Variants in PLAG1 observed in about 807,000 individuals in gnomAD.
PLAG1 encodes the protein PLAG1 zinc finger, also known as zinc finger protein PLAG1.
A neutral mutation model predicts 35.5 loss-of-function variants in PLAG1; 7 were observed. The observed-to-expected ratio is 0.20, with a 90% CI of 0.11 to 0.37. The LOEUF (loss-of-function observed/expected upper bound fraction) is 0.37, where lower values mean the gene tolerates loss of function less well. Ranked by LOEUF, PLAG1 falls within the 10% of genes least tolerant of loss-of-function variation. The probability of loss-of-function intolerance (pLI) is 1.00; values close to 1 mark genes in which losing one functional copy is unlikely to be tolerated. For synonymous variants in PLAG1, 229 were observed against 225.4 expected (o/e 1.02, Z -0.14); for missense variants, 454 against 602.8 (o/e 0.75, Z 2.58).
At chr8:56,193,353 T>C (rs1011986828) in intron 1 of PLAG1, among the ~76,000 whole-genome samples, 2 of 152,230 alleles carry the variant, frequency 1.3e-5, no homozygotes, top group African/African-American at 4.8e-5. Flanking sequence ...TAAAATATTC[T>C]ACAATAAAAA....
intron 1 of PLAG1, among the ~76,000 whole-genome samples, chr8:56,207,076 T>A (rs1021632353): frequency 6.6e-6 from 1 of 152,006 alleles, no homozygotes; most frequent in South Asian, 2.1e-4. Context: ...TTTTTTTTCC[T>A]TGGGGATGTG....
chr8:56,165,197 C>G lies in PLAG1; in HGVS notation c.*1046G>C, dbSNP rs569895037. On this transcript the variant is annotated 3_prime_UTR_variant, in exon 5 of 5. Transcript: ENST00000316981. The stretch of plus-strand genomic sequence containing the variant: ...ACCCTGGCTACAGGGGCCATGATCC[C>G]TACACAAGTTCCCAAATGTAACCAT... 6 of 213,774 alleles carry G rather than the reference C, an allele frequency of 2.8e-5. No homozygotes were observed. Among genetic ancestry groups the G allele is most frequent in the Non-Finnish European group, 4.7e-5 (5 of 105,622 alleles). 13.2% of individuals were successfully genotyped at this position (213,774 alleles called of 1,614,324 possible). A position where few individuals can be genotyped will look rare whatever the true frequency, so the allele number is the denominator to read the frequency against.
At position 56,164,514 on chromosome 8, in the gene PLAG1, G is replaced by T. The variant is rs1441112715; in HGVS notation, c.*1729C>A. ...GATAACTGGCCCTACAAAAAGGAAA[G>T]AAGTTTCCATATAGGGCTAATGAGT... On this transcript the variant is annotated 3_prime_UTR_variant, in exon 5 of 5. Transcript: ENST00000316981. 1 of 224,066 alleles carries T rather than the reference G, an allele frequency of 4.5e-6. No homozygotes were observed. Among genetic ancestry groups the T allele is most frequent in the Non-Finnish European group, 8.9e-6 (1 of 112,110 alleles). The allele number at this position is 224,066 out of a possible 1,614,324, so 13.9% of individuals were successfully genotyped here.
intron 1 of PLAG1, among the ~76,000 whole-genome samples, chr8:56,206,125 C>G (rs1181234991): frequency 6.6e-6 from 1 of 151,772 alleles, no homozygotes; most frequent in African/African-American, 2.4e-5. Flanking sequence ...TACACAAAAT[C>G]AGAAAACAAA....
intron 1 of PLAG1, among the ~76,000 whole-genome samples, chr8:56,198,365 C>T (rs1812445250): frequency 6.6e-6 from 1 of 152,180 alleles, no homozygotes; most frequent in Admixed American, 6.5e-5. Flanking sequence ...CTGTGGGTGC[C>T]CCAGCAACAC....
In PLAG1 at chr8:56,164,486, A is replaced by C. The variant is rs1811296192; in HGVS notation, c.*1757T>G. 1 of 223,218 alleles carries C rather than the reference A, an allele frequency of 4.5e-6. No individual in the cohort carries two copies. The highest frequency in any genetic ancestry group is 2.2e-5 in the African/African-American group (1 of 44,766). The allele number at this position is 223,218 out of a possible 1,614,324, so 13.8% of individuals were successfully genotyped here. Reference sequence around the variant, plus strand: ...ATTCTTGGTAAACATTGCAATCTGCAGTGATAACTGGCCCTACAAAAAGGA... The same window carrying C: ...ATTCTTGGTAAACATTGCAATCTGCCGTGATAACTGGCCCTACAAAAAGGA... On this transcript the variant is annotated 3_prime_UTR_variant, in exon 5 of 5. Transcript: ENST00000316981.
chr8:56,164,320 ATG>A lies in PLAG1; in HGVS notation c.*1921_*1922del, dbSNP rs145284198. ...ATTCTATGAAGTGCGGTATGTGTGC[ATG>A]TGTGTGTGTGTGTGTATTATATATA... On this transcript the variant is annotated 3_prime_UTR_variant, in exon 5 of 5. Transcript: ENST00000316981. The A allele has an allele frequency of 3.3e-3, 707 of 211,312 alleles. No homozygotes were observed. The highest frequency in any genetic ancestry group is 9.3e-3 in the Middle Eastern group (6 of 648). 13.1% of individuals were successfully genotyped at this position (211,312 alleles called of 1,614,324 possible). A position where few individuals can be genotyped will look rare whatever the true frequency, so the allele number is the denominator to read the frequency against.
Position 56,168,332 on chromosome 8 carries a change from T to C in PLAG1, c.-63A>G. 1.4e-6 allele frequency: 2 copies of C among 1,439,312 alleles called. No homozygotes were observed. The highest frequency in any genetic ancestry group is 1.8e-6 in the Non-Finnish European group (2 of 1,090,086). The allele number at this position is 1,439,312 out of a possible 1,614,324, so 89.2% of individuals were successfully genotyped here. ...AACTGCCCAACTCCACTAAATGATA[T>C]AGCTTTAGGTGGCTTCTCAAGTTTC... On this transcript the variant is annotated 5_prime_UTR_variant, in exon 4 of 5. Coordinates refer to ENST00000316981, the MANE Select transcript of PLAG1 (RefSeq NM_002655.3).
chr8:56,177,926 G>T, intron 2 of PLAG1: 1 of 365,928 alleles, frequency 2.7e-6, no homozygotes, highest in Non-Finnish European at 3.8e-6. Flanking sequence ...CACCTGCTTC[G>T]GCAGACCTCA....
In PLAG1 at chr8:56,179,505, A is replaced by T. The variant is rs1811804735; in HGVS notation, c.-313T>A. Reference sequence around the variant, plus strand: ...GCCAAATACGGCCAAGGCAGCACCAAGAGGCAACCTAAAAAGAAAAGAAGA... The same window carrying T: ...GCCAAATACGGCCAAGGCAGCACCATGAGGCAACCTAAAAAGAAAAGAAGA... On this transcript the variant is annotated 5_prime_UTR_variant, in exon 2 of 5. In the 5' UTR this introduces an upstream ATG that the reference lacks. Coordinates refer to ENST00000316981, the MANE Select transcript of PLAG1 (RefSeq NM_002655.3). The T allele has an allele frequency of 1.1e-6, 1 of 945,276 alleles. No individual in the cohort carries two copies. Among genetic ancestry groups the T allele is most frequent in the Non-Finnish European group, 1.3e-6 (1 of 792,960 alleles). 58.6% of individuals were successfully genotyped at this position (945,276 alleles called of 1,614,324 possible). A position where few individuals can be genotyped will look rare whatever the true frequency, so the allele number is the denominator to read the frequency against.
At chr8:56,169,449 A>C (rs1030150265) in intron 3 of PLAG1, among the ~76,000 whole-genome samples, 1 of 152,200 alleles carries the variant, frequency 6.6e-6, no homozygotes, top group Non-Finnish European at 1.5e-5. Context: ...TCGACAAAAC[A>C]TAGTAAATAT....
intron 1 of PLAG1, among the ~76,000 whole-genome samples, chr8:56,194,085 T>A (rs530618444): frequency 3.1e-3 from 473 of 152,182 alleles, no homozygotes; most frequent in African/African-American, 0.011. Flanking sequence ...AAGCTAAGAC[T>A]GTTGGATCAC....
At chr8:56,173,530 G>A (rs1480974930) in intron 2 of PLAG1, among the ~76,000 whole-genome samples, 2 of 151,580 alleles carry the variant, frequency 1.3e-5, no homozygotes, top group Non-Finnish European at 2.9e-5. Context: ...AGCACCAGGA[G>A]TACTATTCTG....
At chr8:56,199,892 G>A (rs1812500399) in intron 1 of PLAG1, among the ~76,000 whole-genome samples, 1 of 152,202 alleles carries the variant, frequency 6.6e-6, no homozygotes. Context: ...TGAGAGGAAT[G>A]AGCAAAAGGA....
chr8:56,206,119 C>T (rs955438489), intron 1 of PLAG1, among the ~76,000 whole-genome samples: 8 of 151,966 alleles, frequency 5.3e-5, no homozygotes, highest in Admixed American at 2.0e-4. Context: ...AATACATACA[C>T]AAAATCAGAA....
At chr8:56,186,301 TG>T (rs1227271888) in intron 1 of PLAG1, among the ~76,000 whole-genome samples, 4 of 152,242 alleles carry the variant, frequency 2.6e-5, no homozygotes, top group African/African-American at 9.6e-5. Flanking sequence ...TGTGTGCCTT[TG>T]TTGGTCTCCG....
At chr8:56,171,060 G>T (rs2129225597) in intron 3 of PLAG1, 31 bp downstream of exon 3, 1 of 518,712 alleles carries the variant, frequency 1.9e-6, no homozygotes, top group African/African-American at 2.1e-5. Context: ...TGCATGCATA[G>T]AATTATAGTG....
intron 1 of PLAG1, among the ~76,000 whole-genome samples, chr8:56,200,679 G>C (rs1393985605): frequency 6.6e-6 from 1 of 152,146 alleles, no homozygotes; most frequent in Non-Finnish European, 1.5e-5. Context: ...TCTCCAGTCA[G>C]ACTGGTCTTC....
chr8:56,196,155 T>C (rs548895533), intron 1 of PLAG1, among the ~76,000 whole-genome samples: 1 of 152,138 alleles, frequency 6.6e-6, no homozygotes, highest in Admixed American at 6.5e-5. Flanking sequence ...CACATGATCA[T>C]AAATATATAA....
Sources: gnomAD v4.1 joint callset for allele counts (sites outside exome capture counted in the v4.1 genomes callset) on GRCh38, gnomAD v4.1.1 for gene constraint, MANE v1.5 for transcripts, NCBI Gene and HGNC (gene_info 2026-07-23, HGNC 2026-07-21) for gene names.